The following KAZN variants were observed in gnomAD, a reference collection of about 807,000 sequenced individuals.
KAZN encodes kazrin, periplakin interacting protein.
KAZN carries 40 observed loss-of-function variants against 87.4 expected under a neutral mutation model. The observed-to-expected ratio is 0.46, with a 90% CI of 0.36 to 0.60. The LOEUF (loss-of-function observed/expected upper bound fraction) is 0.60, where lower values mean the gene tolerates loss of function less well. Among genes scored for constraint, KAZN ranks in the 20% least tolerant of loss-of-function variants. The pLI is 0.00. For synonymous variants in KAZN, 466 were observed against 458.3 expected (o/e 1.02, Z -0.22); for missense variants, 898 against 1,073.9 (o/e 0.84, Z 2.29).
chr1:14,733,853 C>T (rs1643796591), intron 1 of KAZN, among the ~76,000 whole-genome samples: 1 of 152,188 alleles, frequency 6.6e-6, no homozygotes, highest in Non-Finnish European at 1.5e-5. Flanking sequence ...GTTTGGCCCC[C>T]CGATCAGCCT....
At chr1:14,660,480 C>T (rs143956155) in intron 1 of KAZN, among the ~76,000 whole-genome samples, 85 of 149,564 alleles carry the variant, frequency 5.7e-4, no homozygotes, top group African/African-American at 1.5e-3. Flanking sequence ...TTGCACCCAT[C>T]GGAGTTCTTA....
At chr1:14,569,756 C>A (rs1571954499) in intron 2 of KAZN, among the ~76,000 whole-genome samples, 1 of 152,282 alleles carries the variant, frequency 6.6e-6, no homozygotes, top group African/African-American at 2.4e-5. Context: ...TTAGCTCTGG[C>A]AACTGCAGCC....
chr1:14,948,759 TC>T (rs1662126368), intron 1 of KAZN, among the ~76,000 whole-genome samples: 1 of 152,078 alleles, frequency 6.6e-6, no homozygotes, highest in South Asian at 2.1e-4. Context: ...CTAGGAGTCT[TC>T]CTTGTACCAA....
intron 1 of KAZN, among the ~76,000 whole-genome samples, chr1:14,802,404 CAAAA>C (rs35172215): frequency 0.31 from 42,145 of 135,288 alleles, 8,231 homozygotes; most frequent in African/African-American, 0.57. Context: ...ACTCTTGTCT[CAAAA>C]AAAAAAAAAA....
At chr1:13,973,216 G>A (rs1183125173) in intron 1 of KAZN, among the ~76,000 whole-genome samples, 2 of 152,136 alleles carry the variant, frequency 1.3e-5, no homozygotes, top group Admixed American at 6.6e-5. Flanking sequence ...ATCATCTCAT[G>A]TAAACTTCAT....
At chr1:14,438,726 G>A (rs1666538192) in intron 2 of KAZN, among the ~76,000 whole-genome samples, 1 of 152,208 alleles carries the variant, frequency 6.6e-6, no homozygotes, top group South Asian at 2.1e-4. Flanking sequence ...CTTCTATTCT[G>A]AGTGGAATTT....
chr1:14,766,865 G>A (rs920337464), intron 1 of KAZN, among the ~76,000 whole-genome samples: 21 of 151,802 alleles, frequency 1.4e-4, no homozygotes, highest in African/African-American at 4.6e-4. Context: ...TCTCCCATGC[G>A]TTCACATACA....
intron 1 of KAZN, among the ~76,000 whole-genome samples, chr1:13,958,030 A>G (rs1641609608): frequency 6.6e-6 from 1 of 152,204 alleles, no homozygotes; most frequent in South Asian, 2.1e-4. Context: ...AGGTTATTGA[A>G]TAGGCATGTG....
chr1:14,606,727 A>T (rs914220119), intron 1 of KAZN, among the ~76,000 whole-genome samples: 3 of 152,128 alleles, frequency 2.0e-5, no homozygotes, highest in Non-Finnish European at 4.4e-5. Flanking sequence ...TCTTAGCCCC[A>T]GTACTATTGA....
intron 1 of KAZN, among the ~76,000 whole-genome samples, chr1:14,178,765 G>C (rs1429437747): frequency 6.6e-6 from 1 of 151,138 alleles, no homozygotes; most frequent in Non-Finnish European, 1.5e-5. Flanking sequence ...CATTATGAAT[G>C]TTACATTTTG....
intron 10 of KAZN, among the ~76,000 whole-genome samples, chr1:15,095,163 G>C (rs1396205588): frequency 6.6e-6 from 1 of 152,148 alleles, no homozygotes; most frequent in Non-Finnish European, 1.5e-5. Flanking sequence ...GAAGACAAGA[G>C]GCCCCAAAGG....
chr1:14,240,352 C>G (rs1015526241), intron 2 of KAZN, among the ~76,000 whole-genome samples: 2 of 152,230 alleles, frequency 1.3e-5, no homozygotes, highest in South Asian at 2.1e-4. Context: ...GGGGAGCCCA[C>G]ACTGTCCATA....
chr1:13,946,503 A>G (rs539851266), intron 1 of KAZN, among the ~76,000 whole-genome samples: 1 of 152,340 alleles, frequency 6.6e-6, no homozygotes, highest in East Asian at 1.9e-4. Context: ...ACTAATCATT[A>G]TGGTTATACT....
chr1:13,922,353 G>T (rs1282006669), intron 1 of KAZN, among the ~76,000 whole-genome samples: 1 of 152,140 alleles, frequency 6.6e-6, no homozygotes, highest in Non-Finnish European at 1.5e-5. Flanking sequence ...TGATCCCCTG[G>T]CCTCTAACAT....
intron 1 of KAZN, among the ~76,000 whole-genome samples, chr1:14,003,332 TAAAA>T (rs572382814): frequency 7.8e-6 from 1 of 128,804 alleles, no homozygotes; most frequent in Admixed American, 7.8e-5. Context: ...AAAGTAAAAT[TAAAA>T]AAAAAAAAAA....
chr1:14,845,976 A>G (rs1008508890), intron 1 of KAZN, among the ~76,000 whole-genome samples: 3 of 152,134 alleles, frequency 2.0e-5, no homozygotes, highest in Non-Finnish European at 4.4e-5. Context: ...GTCAACAGAA[A>G]AATCCCGTGT....
chr1:14,291,048 C>T (rs887458956), intron 2 of KAZN, among the ~76,000 whole-genome samples: 10 of 152,186 alleles, frequency 6.6e-5, no homozygotes, highest in African/African-American at 2.4e-4. Flanking sequence ...GATCCTTCCT[C>T]TGGAAGCTTC....
intron 1 of KAZN, among the ~76,000 whole-genome samples, chr1:14,612,589 C>T (rs542653223): frequency 1.9e-4 from 29 of 152,224 alleles, no homozygotes; most frequent in African/African-American, 6.3e-4. Flanking sequence ...AACATGAGGC[C>T]GATAACACCT....
chr1:14,857,234 C>T (rs576059948), intron 1 of KAZN, among the ~76,000 whole-genome samples: 3 of 152,298 alleles, frequency 2.0e-5, no homozygotes, highest in East Asian at 3.9e-4. Context: ...ATGTCAAGCA[C>T]GCAGTGCTGG....
Sources: allele counts gnomAD v4.1 joint callset (sites outside exome capture counted in the v4.1 genomes callset), GRCh38; gene constraint gnomAD v4.1.1; transcripts MANE v1.5; gene names NCBI Gene and HGNC (gene_info 2026-07-23, HGNC 2026-07-21).